CDH8: variants seen among roughly 807,000 people sequenced by gnomAD.
CDH8 encodes the protein cadherin 8.
A neutral mutation model predicts 68.1 loss-of-function variants in CDH8; 17 were observed. The observed-to-expected ratio is 0.25, with a 90% CI of 0.17 to 0.37. The LOEUF is 0.37. CDH8 is among the 10% of genes least tolerant of loss of function. CDH8 has a pLI of 1.00. For missense variants in CDH8, 763 were observed against 999.3 expected, an observed-to-expected ratio of 0.76 and a Z score of 3.19; for synonymous variants, 372 against 365.1, an observed-to-expected ratio of 1.02 and a Z score of -0.21.
intron 8 of CDH8, among the ~76,000 whole-genome samples, chr16:61,748,482 C>T (rs907593164): frequency 2.0e-5 from 3 of 151,784 alleles, no homozygotes; most frequent in African/African-American, 4.8e-5. Flanking sequence ...AACAAATAAA[C>T]AGAGTAAACA....
chr16:61,760,589 A>C (rs879576005), intron 8 of CDH8, among the ~76,000 whole-genome samples: 1 of 152,120 alleles, frequency 6.6e-6, no homozygotes, highest in Non-Finnish European at 1.5e-5. Context: ...CTGGGATTAC[A>C]GGCATGAGCC....
intron 2 of CDH8, among the ~76,000 whole-genome samples, chr16:61,997,151 A>G (rs1965819338): frequency 6.6e-6 from 1 of 152,118 alleles, no homozygotes; most frequent in African/African-American, 2.4e-5. Flanking sequence ...TGTTATTTCC[A>G]AGCCACCTTA....
intron 7 of CDH8, among the ~76,000 whole-genome samples, chr16:61,801,402 T>C (rs1961625887): frequency 6.6e-6 from 1 of 152,176 alleles, no homozygotes; most frequent in Non-Finnish European, 1.5e-5. Flanking sequence ...TCCAATATGG[T>C]AACCACTGTG....
intron 10 of CDH8, among the ~76,000 whole-genome samples, chr16:61,661,225 G>GA (rs1963551463): frequency 6.6e-6 from 1 of 151,908 alleles, no homozygotes; most frequent in Non-Finnish European, 1.5e-5. Flanking sequence ...AAGGTAGAAG[G>GA]TAGAAGACTT....
At chr16:61,838,823 T>C (rs895238864) in intron 4 of CDH8, among the ~76,000 whole-genome samples, 3 of 152,178 alleles carry the variant, frequency 2.0e-5, no homozygotes, top group Non-Finnish European at 4.4e-5. Context: ...CTGACATTTA[T>C]GTTTTGAGTA....
At chr16:61,677,502 T>A (rs190553248) in intron 10 of CDH8, among the ~76,000 whole-genome samples, 55 of 152,060 alleles carry the variant, frequency 3.6e-4, no homozygotes, top group Non-Finnish European at 1.8e-4. Context: ...TGGGGTTTCC[T>A]TTAAGATGAT....
chr16:61,902,385 T>C (rs948419313), intron 2 of CDH8, among the ~76,000 whole-genome samples: 61 of 152,148 alleles, frequency 4.0e-4, no homozygotes, highest in Non-Finnish European at 2.2e-4. Flanking sequence ...AGGAGTATTC[T>C]AATATTATAC....
intron 4 of CDH8, among the ~76,000 whole-genome samples, chr16:61,848,619 T>C (rs1197203024): frequency 2.6e-5 from 4 of 152,056 alleles, no homozygotes; most frequent in East Asian, 1.9e-4. Flanking sequence ...TGTTAAGTCA[T>C]TGTGTGCACG....
At chr16:61,854,504 C>T (rs1963004814) in intron 4 of CDH8, among the ~76,000 whole-genome samples, 2 of 152,078 alleles carry the variant, frequency 1.3e-5, no homozygotes, top group Admixed American at 1.3e-4. Flanking sequence ...ATAAGAGGAA[C>T]TTCCATGTCC....
intron 8 of CDH8, among the ~76,000 whole-genome samples, chr16:61,747,521 A>G (rs1170991619): frequency 6.6e-6 from 1 of 152,096 alleles, no homozygotes; most frequent in African/African-American, 2.4e-5. Context: ...ATAGAGCAAC[A>G]GAGATGCTGA....
intron 9 of CDH8, among the ~76,000 whole-genome samples, chr16:61,719,994 A>AACACACAC (rs10595910): frequency 6.8e-6 from 1 of 147,090 alleles, no homozygotes; most frequent in Non-Finnish European, 1.5e-5. Flanking sequence ...CTTATTAGGT[A>AACACACAC]ACACACACAC....
chr16:61,808,576 A>G (rs1596986392), intron 7 of CDH8, among the ~76,000 whole-genome samples: 1 of 152,314 alleles, frequency 6.6e-6, no homozygotes. Flanking sequence ...CTCTAAGGCA[A>G]TGATGGCAAT....
chr16:61,957,388 T>C (rs1022287528), intron 2 of CDH8, among the ~76,000 whole-genome samples: 3 of 152,174 alleles, frequency 2.0e-5, no homozygotes, highest in Non-Finnish European at 4.4e-5. Flanking sequence ...AGCAGCTAAG[T>C]GTAGTTTAAA....
At chr16:61,763,758 G>C (rs1384339607) in intron 8 of CDH8, among the ~76,000 whole-genome samples, 2 of 152,096 alleles carry the variant, frequency 1.3e-5, no homozygotes, top group Non-Finnish European at 2.9e-5. Context: ...TAATTCTTTT[G>C]TTGAATAAGT....
At chr16:61,790,677 G>A (rs1961356837) in intron 7 of CDH8, among the ~76,000 whole-genome samples, 1 of 151,910 alleles carries the variant, frequency 6.6e-6, no homozygotes, top group Admixed American at 6.6e-5. Context: ...ATAAGACTAT[G>A]CCATTATAAA....
intron 11 of CDH8, among the ~76,000 whole-genome samples, chr16:61,655,158 C>G (rs1332852365): frequency 2.0e-5 from 3 of 152,128 alleles, no homozygotes; most frequent in African/African-American, 4.8e-5. Context: ...ACCCAGAGTT[C>G]TTCTTATGCA....
chr16:61,820,987 G>A lies in CDH8; in HGVS notation c.962C>T (p.Thr321Ile). 1 of 1,612,902 alleles carries A rather than the reference G, an allele frequency of 6.2e-7. No individual in the cohort carries two copies. Among genetic ancestry groups the A allele is most frequent in the African/African-American group, 1.3e-5 (1 of 74,956 alleles). ...ATCAGAAGTGATTTCAAAAAGTGCT[G>A]TTCCATCTCCATCGATGATATCATA... ...SSYDIIDGDG[T>I]ALFEITSDAQ... Residue 321 changes from threonine (T) to isoleucine (I), a missense_variant, in exon 6 of 12, where the codon ACA becomes ATA. Coordinates refer to ENST00000577390, the MANE Select transcript of CDH8 (RefSeq NM_001796.5).
intron 7 of CDH8, among the ~76,000 whole-genome samples, chr16:61,802,163 C>T (rs1270320834): frequency 1.7e-5 from 2 of 120,134 alleles, no homozygotes; most frequent in South Asian, 2.9e-4. Flanking sequence ...TGACCCCTGA[C>T]CCCCGAGCAG....
At chr16:61,971,719 CCT>C (rs1308161500) in intron 2 of CDH8, among the ~76,000 whole-genome samples, 1 of 152,166 alleles carries the variant, frequency 6.6e-6, no homozygotes, top group Admixed American at 6.5e-5. Context: ...GGTTGAAATG[CCT>C]CTGTCTTTCC....
Sources: allele counts gnomAD v4.1 joint callset (sites outside exome capture counted in the v4.1 genomes callset), GRCh38; gene constraint gnomAD v4.1.1; transcripts MANE v1.5; gene names NCBI Gene and HGNC (gene_info 2026-07-23, HGNC 2026-07-21).